Variants in CNIH3 observed in about 807,000 individuals in gnomAD.
CNIH3 encodes the protein cornichon family AMPA receptor auxiliary protein 3, also known as protein cornichon homolog 3.
A neutral mutation model predicts 24.1 loss-of-function variants in CNIH3; 14 were observed. That is an observed-to-expected ratio of 0.58 (90% confidence interval 0.38 to 0.91). The LOEUF (loss-of-function observed/expected upper bound fraction) is 0.91. Among genes scored for constraint, CNIH3 ranks in the 40% least tolerant of loss-of-function variants. CNIH3 has a pLI of 0.00. For synonymous variants in CNIH3, 68 were observed against 73.8 expected (o/e 0.92, Z 0.40); for missense variants, 178 against 196.8 (o/e 0.90, Z 0.57).
At chr1:224,525,310 A>T (rs552205085) in intron 2 of CNIH3, among the ~76,000 whole-genome samples, 10 of 152,214 alleles carry the variant, frequency 6.6e-5, no homozygotes, top group Non-Finnish European at 1.2e-4. Flanking sequence ...GCTTTTACTG[A>T]AATGCCTAAG....
At chr1:224,718,620 C>A (rs1351624426) in intron 3 of CNIH3, among the ~76,000 whole-genome samples, 3 of 151,836 alleles carry the variant, frequency 2.0e-5, no homozygotes, top group Non-Finnish European at 4.4e-5. Flanking sequence ...AGTGAGGGGA[C>A]CAGTTAGGAG....
At chr1:224,660,300 A>G (rs1175032773) in intron 1 of CNIH3, among the ~76,000 whole-genome samples, 2 of 152,110 alleles carry the variant, frequency 1.3e-5, no homozygotes, top group Non-Finnish European at 2.9e-5. Flanking sequence ...AGACTTACTC[A>G]CTACCACGAG....
At chr1:224,631,304 A>G (rs997185257) in intron 1 of CNIH3, among the ~76,000 whole-genome samples, 13 of 152,084 alleles carry the variant, frequency 8.5e-5, no homozygotes, top group Admixed American at 6.5e-4. Flanking sequence ...GAATCCACCT[A>G]GCGTTCCTCT....
chr1:224,457,511 ATTTTT>A (rs943521801), intron 1 of CNIH3, among the ~76,000 whole-genome samples: 13 of 111,202 alleles, frequency 1.2e-4, no homozygotes, highest in African/African-American at 4.3e-4. Context: ...TGGTCTGGGG[ATTTTT>A]TTTTTTTTTT....
chr1:224,491,736 G>C (rs1333533020), intron 1 of CNIH3, among the ~76,000 whole-genome samples: 1 of 152,012 alleles, frequency 6.6e-6, no homozygotes, highest in Non-Finnish European at 1.5e-5. Context: ...CTCCCAAGTA[G>C]CAGGGAACTA....
At chr1:224,601,353 T>C (rs1184834675) in intron 3 of CNIH3, among the ~76,000 whole-genome samples, 1 of 152,158 alleles carries the variant, frequency 6.6e-6, no homozygotes, top group Non-Finnish European at 1.5e-5. Context: ...CACTCCAGAG[T>C]TCCCAGAGGG....
intron 1 of CNIH3, among the ~76,000 whole-genome samples, chr1:224,497,609 C>A (rs1019855417): frequency 7.2e-5 from 11 of 152,240 alleles, no homozygotes; most frequent in African/African-American, 2.2e-4. Context: ...GGTTGGGAAC[C>A]CTTTGTTGTT....
chr1:224,492,858 G>A (rs1677286892), intron 1 of CNIH3, among the ~76,000 whole-genome samples: 2 of 152,140 alleles, frequency 1.3e-5, no homozygotes, highest in South Asian at 4.1e-4. Flanking sequence ...TCTTCAAAAA[G>A]TTCCCATTTT....
rs1286603952 is a variant in CNIH3, at chr1:224,454,803, GT to G, written n.203+19942del. Among the ~76,000 whole-genome samples the G allele has an allele frequency of 2.6e-5, 4 of 152,276 alleles. No homozygotes were observed. In the East Asian group the frequency reaches 7.7e-4, roughly 29 times the overall value. The stretch of plus-strand genomic sequence containing the variant: ...GCTGAGTGCAGGGCTTGGAGGTGGA[GT>G]CGCTTGTGGAAGGATTAACTAGAGG... On this transcript the variant is annotated intron_variant and non_coding_transcript_variant, in intron 1 of 5. Coordinates refer to the CNIH3 transcript ENST00000471578.
intron 5 of CNIH3, among the ~76,000 whole-genome samples, chr1:224,583,925 T>A (rs1219331388): frequency 6.6e-6 from 1 of 152,206 alleles, no homozygotes; most frequent in African/African-American, 2.4e-5. Flanking sequence ...ATTAGACCAG[T>A]CGCTGCTCCA....
At chr1:224,700,198 G>A (rs1687407854) in intron 3 of CNIH3, among the ~76,000 whole-genome samples, 1 of 152,068 alleles carries the variant, frequency 6.6e-6, no homozygotes, top group South Asian at 2.1e-4. Flanking sequence ...GCTAGCTCTG[G>A]GTCTCTTCTT....
chr1:224,623,363 G>T (rs144313326), intron 1 of CNIH3, among the ~76,000 whole-genome samples: 1 of 152,260 alleles, frequency 6.6e-6, no homozygotes, highest in African/African-American at 2.4e-5. Context: ...TGTAGTGGAT[G>T]CCTCAGTCTC....
chr1:224,603,247 A>G (rs1167772987), intron 3 of CNIH3, among the ~76,000 whole-genome samples: 1 of 152,224 alleles, frequency 6.6e-6, no homozygotes, highest in East Asian at 1.9e-4. Flanking sequence ...CTGGCCTTTT[A>G]TCTGCAGTTT....
chr1:224,508,775 G>A (rs1007630286), intron 1 of CNIH3, among the ~76,000 whole-genome samples: 2 of 152,082 alleles, frequency 1.3e-5, no homozygotes, highest in Non-Finnish European at 2.9e-5. Context: ...ATAATCATAT[G>A]GATATAAATG....
intron 1 of CNIH3, among the ~76,000 whole-genome samples, chr1:224,469,801 A>C (rs1459513261): frequency 2.0e-5 from 3 of 151,848 alleles, no homozygotes; most frequent in Non-Finnish European, 4.4e-5. Context: ...CATTTCTGAC[A>C]CTCTTCATTC....
At chr1:224,555,268 T>C (rs1680090067) in intron 3 of CNIH3, among the ~76,000 whole-genome samples, 1 of 152,226 alleles carries the variant, frequency 6.6e-6, no homozygotes, top group Non-Finnish European at 1.5e-5. Context: ...GATCCTGTGC[T>C]GTCACAGAAA....
intron 5 of CNIH3, among the ~76,000 whole-genome samples, chr1:224,735,773 C>T (rs955045271): frequency 2.6e-5 from 4 of 152,036 alleles, no homozygotes; most frequent in African/African-American, 9.7e-5. Flanking sequence ...CCCACCTTAA[C>T]CTGAGTAGCT....
At chr1:224,605,429 A>G (rs186024998) in intron 3 of CNIH3, among the ~76,000 whole-genome samples, 1 of 152,194 alleles carries the variant, frequency 6.6e-6, no homozygotes, top group Non-Finnish European at 1.5e-5. Context: ...TAACTTTGGG[A>G]GAAATGTAGT....
intron 1 of CNIH3, among the ~76,000 whole-genome samples, chr1:224,510,379 G>A (rs565624072): frequency 3.9e-5 from 6 of 152,026 alleles, no homozygotes; most frequent in Admixed American, 6.5e-5. Context: ...ATCAGCAGTC[G>A]GGAGCCAGGG....
Sources: allele counts gnomAD v4.1 joint callset (sites outside exome capture counted in the v4.1 genomes callset), GRCh38; gene constraint gnomAD v4.1.1; transcripts MANE v1.5; gene names NCBI Gene and HGNC (gene_info 2026-07-23, HGNC 2026-07-21).